GPC6: variants seen among roughly 807,000 people sequenced by gnomAD.
GPC6 encodes the protein glypican-6.
GPC6 carries 14 observed loss-of-function variants against 55.2 expected under a neutral mutation model. That is an observed-to-expected ratio of 0.25 (90% CI 0.17 to 0.40). The LOEUF (loss-of-function observed/expected upper bound fraction) is 0.40. Ranked by LOEUF, GPC6 falls within the 10% of genes least tolerant of loss-of-function variation. GPC6 has a pLI of 1.00. For missense variants in GPC6, 641 were observed against 708.5 expected, an observed-to-expected ratio of 0.90 and a Z score of 1.08; for synonymous variants, 278 against 259.6, an observed-to-expected ratio of 1.07 and a Z score of -0.68.
rs751825481 is a variant in GPC6 at position 94,189,298 on chromosome 13, GT to G, written c.878-97050del. ...TGGACAGGAGGAGGAAGAGAAAGAT[GT>G]GAGTTTCACATAAGAGCAGAGGGAT... On this transcript the variant is annotated intron_variant, in intron 4 of 8. Transcript: ENST00000377047. Among the ~76,000 whole-genome samples the G allele has an allele frequency of 6.3e-4, 96 of 152,264 alleles. 1 individual carries two copies. In the Middle Eastern group the frequency reaches 0.027, roughly 43 times the overall value.
chr13:93,338,681 A>G (rs993407354), intron 1 of GPC6, among the ~76,000 whole-genome samples: 2 of 152,200 alleles, frequency 1.3e-5, no homozygotes, highest in Non-Finnish European at 2.9e-5. Flanking sequence ...AACTAAAGTC[A>G]TCTTCCTTAA....
At chr13:93,217,139 T>C in the GPC6 span, among the ~76,000 whole-genome samples, 7 of 152,240 alleles carry the variant, frequency 4.6e-5, no homozygotes, top group Non-Finnish European at 5.9e-5. Context: ...TTTTGTTGAA[T>C]GGTGAAGTAC....
chr13:93,460,263 A>G (rs2139313730), intron 1 of GPC6, among the ~76,000 whole-genome samples: 1 of 151,788 alleles, frequency 6.6e-6, no homozygotes, highest in Non-Finnish European at 1.5e-5. Context: ...CTGTTTTTTG[A>G]CTGGATAAAT....
intron 4 of GPC6, among the ~76,000 whole-genome samples, chr13:94,214,315 T>C (rs532995774): frequency 1.3e-5 from 2 of 152,344 alleles, no homozygotes; most frequent in South Asian, 4.1e-4. Context: ...TCTAATTGTG[T>C]CATTCACTGT....
At chr13:93,289,663 C>A (rs113515966) in intron 1 of GPC6, among the ~76,000 whole-genome samples, 134 of 152,176 alleles carry the variant, frequency 8.8e-4, no homozygotes, top group African/African-American at 3.1e-3. Context: ...ACAGTTCAGC[C>A]TTTCAGTTTA....
chr13:93,716,328 A>G (rs1439340112), intron 2 of GPC6, among the ~76,000 whole-genome samples: 2 of 151,594 alleles, frequency 1.3e-5, no homozygotes, highest in African/African-American at 4.8e-5. Flanking sequence ...TAGGAGAAGC[A>G]TTATTGTCAT....
At chr13:93,856,343 T>A (rs1013436797) in intron 3 of GPC6, among the ~76,000 whole-genome samples, 1 of 151,594 alleles carries the variant, frequency 6.6e-6, no homozygotes, top group Non-Finnish European at 1.5e-5. Context: ...AAAGAATGTT[T>A]AAGTCATCCA....
intron 4 of GPC6, among the ~76,000 whole-genome samples, chr13:94,151,295 G>A (rs1887730950): frequency 6.6e-6 from 1 of 152,126 alleles, no homozygotes; most frequent in Admixed American, 6.6e-5. Context: ...ATAATTGGAT[G>A]AGCTATTCTC....
chr13:93,805,529 A>G (rs901157143), intron 2 of GPC6, among the ~76,000 whole-genome samples: 1 of 152,202 alleles, frequency 6.6e-6, no homozygotes, highest in Admixed American at 6.5e-5. Flanking sequence ...TTTTTAGACT[A>G]TCATATACTA....
chr13:94,307,189 C>G (rs1452152808), intron 6 of GPC6, among the ~76,000 whole-genome samples: 1 of 152,100 alleles, frequency 6.6e-6, no homozygotes, highest in African/African-American at 2.4e-5. Flanking sequence ...CATGAAGTAT[C>G]AAAATAAAGG....
rs533664146 is a variant in GPC6 at position 93,448,942 on chromosome 13, G to C, written c.161-96321G>C. Reference sequence around the variant, plus strand: ...ATTAGTTAATCTGCTTCTTTATTAAGTGAACATTTATTGATTGTCTACTAC... The same window carrying C: ...ATTAGTTAATCTGCTTCTTTATTAACTGAACATTTATTGATTGTCTACTAC... On this transcript the variant is annotated intron_variant, in intron 1 of 8. Transcript: ENST00000377047. Among the ~76,000 whole-genome samples the C allele has an allele frequency of 5.3e-4, 80 of 151,826 alleles. 1 individual carries two copies. The South Asian group carries it at 0.013, about 24-fold the overall frequency.
chr13:93,218,323 A>T, the GPC6 span, among the ~76,000 whole-genome samples: 1 of 152,176 alleles, frequency 6.6e-6, no homozygotes, highest in Non-Finnish European at 1.5e-5. Flanking sequence ...TGTTATATGA[A>T]GCTAAATACA....
chr13:93,293,951 T>C (rs1261278367), intron 1 of GPC6, among the ~76,000 whole-genome samples: 1 of 151,190 alleles, frequency 6.6e-6, no homozygotes, highest in African/African-American at 2.5e-5. Flanking sequence ...TTATCGTCCA[T>C]TGTAATGATC....
chr13:93,310,869 C>T (rs1879042327), intron 1 of GPC6, among the ~76,000 whole-genome samples: 1 of 152,162 alleles, frequency 6.6e-6, no homozygotes, highest in African/African-American at 2.4e-5. Flanking sequence ...ATCTTCCTCG[C>T]CTAAGCATTT....
chr13:94,200,252 G>A (rs541547530), intron 4 of GPC6, among the ~76,000 whole-genome samples: 2 of 151,934 alleles, frequency 1.3e-5, no homozygotes, highest in African/African-American at 4.8e-5. Context: ...GAGAGCTAAA[G>A]CGTTGGAAAA....
intron 4 of GPC6, among the ~76,000 whole-genome samples, chr13:94,099,252 G>T (rs1427067250): frequency 1.3e-5 from 2 of 151,990 alleles, no homozygotes; most frequent in Non-Finnish European, 2.9e-5. Context: ...ATAAGTTTAG[G>T]GATTAAAAAT....
intron 5 of GPC6, among the ~76,000 whole-genome samples, chr13:94,292,093 T>C (rs1301439644): frequency 6.6e-6 from 1 of 152,216 alleles, no homozygotes; most frequent in African/African-American, 2.4e-5. Context: ...TGGTTTCTAT[T>C]GTGTAATATT....
intron 1 of GPC6, among the ~76,000 whole-genome samples, chr13:93,415,544 G>A (rs1244489476): frequency 6.6e-6 from 1 of 151,968 alleles, no homozygotes; most frequent in East Asian, 1.9e-4. Flanking sequence ...TTAATTTTCA[G>A]AAGATTAGTC....
At chr13:94,382,074 A>G (rs1880180283) in intron 6 of GPC6, among the ~76,000 whole-genome samples, 1 of 152,212 alleles carries the variant, frequency 6.6e-6, no homozygotes, top group South Asian at 2.1e-4. Flanking sequence ...TCTAGAGACT[A>G]TACTTGGGGT....
Sources: allele counts gnomAD v4.1 joint callset (sites outside exome capture counted in the v4.1 genomes callset), GRCh38; gene constraint gnomAD v4.1.1; transcripts MANE v1.5; gene names NCBI Gene and HGNC (gene_info 2026-07-23, HGNC 2026-07-21).